Variants in LONRF3 observed in about 807,000 individuals in gnomAD.
The protein encoded by LONRF3 is LON peptidase N-terminal domain and ring finger 3.
A neutral mutation model predicts 51.7 loss-of-function variants in LONRF3; 19 were observed. That is an observed-to-expected ratio of 0.37 (90% CI 0.26 to 0.54). The LOEUF is 0.54. Among genes scored for constraint, LONRF3 ranks in the 20% least tolerant of loss-of-function variants. The probability of loss-of-function intolerance (pLI) is 0.86; values close to 1 mark genes in which losing one functional copy is unlikely to be tolerated. For synonymous variants in LONRF3, 265 were observed against 257.8 expected (o/e 1.03, Z -0.27); for missense variants, 521 against 623.9 (o/e 0.84, Z 1.76).
chrX:118,991,649 T>C (rs1288713717), intron 5 of LONRF3, among the ~76,000 whole-genome samples: 1 of 112,222 alleles, frequency 8.9e-6, no homozygotes, highest in Non-Finnish European at 1.9e-5. Context: ...ATTTCACAGC[T>C]GTGACTTACT....
At chrX:118,988,857 C>T (rs1453313776) in intron 3 of LONRF3, among the ~76,000 whole-genome samples, 1 of 105,289 alleles carries the variant, frequency 9.5e-6, no homozygotes, top group Non-Finnish European at 1.9e-5. Flanking sequence ...TAGTTTGTAC[C>T]TTGTTCATTT....
In LONRF3 at chrX:118,975,433, A is replaced by C. The variant is rs1037145243; in HGVS notation, c.653A>C (p.Gln218Pro). The change falls in exon 1 of 11, where the codon CAG becomes CCG. Residue 218 changes from glutamine to proline, a missense_variant. This residue lies in a region of LONRF3 where 376 missense variants were observed against 376.7 expected (regional missense o/e 1.00). Transcript: ENST00000371628. ...RARGARRAGQ[Q>P]PPPPLRVNVV... The stretch of plus-strand genomic sequence containing the variant: ...CGTGGAGCCCGGCGGGCTGGGCAGC[A>C]GCCGCCGCCGCCGCTGCGAGTCAAC... The C allele has an allele frequency of 1.7e-6, 2 of 1,185,722 alleles. No individual in the cohort carries two copies. Among genetic ancestry groups the C allele is most frequent in the South Asian group, 1.8e-5 (1 of 54,321 alleles).
At chrX:118,990,691 A>G (rs1923359959) in intron 5 of LONRF3, 131 bp downstream of exon 5, 11 of 494,643 alleles carry the variant, frequency 2.2e-5, no homozygotes, top group Non-Finnish European at 3.8e-5. Flanking sequence ...GGAAATCACA[A>G]CGTTGATTGT....
chrX:118,975,070 A>G lies in LONRF3; in HGVS notation c.290A>G (p.Gln97Arg). Residue 97 changes from glutamine (Q) to arginine (R), a missense_variant, in exon 1 of 11, where the codon CAG becomes CGG. Gln to Arg is a conservative substitution (Grantham distance 43). Transcript: ENST00000371628. ...LEVYRQLSER[Q>R]QLVAEQLEQL... ...GTGTATAGACAGCTCTCCGAGCGGC[A>G]GCAGCTGGTGGCTGAGCAGCTGGAG... 1 of 1,174,686 alleles carries G rather than the reference A, an allele frequency of 8.5e-7. No individual in the cohort carries two copies. The highest frequency in any genetic ancestry group is 1.1e-6 in the Non-Finnish European group (1 of 877,282).
chrX:118,992,952 C>G (rs938546754), intron 5 of LONRF3, among the ~76,000 whole-genome samples: 6 of 111,425 alleles, frequency 5.4e-5, no homozygotes, highest in African/African-American at 2.0e-4. Flanking sequence ...CAGGAAGCCA[C>G]ACCCATAGGA....
rs1471098769 is a variant in LONRF3, at chrX:119,009,266, C to T, written c.1652+19C>T. The T allele has an allele frequency of 8.4e-7, 1 of 1,191,421 alleles. No individual in the cohort carries two copies. The highest frequency in any genetic ancestry group is 2.2e-5 in the Admixed American group (1 of 44,515). On this transcript the variant is annotated intron_variant, in intron 7 of 10. Coordinates refer to ENST00000371628, the MANE Select transcript of LONRF3 (RefSeq NM_001031855.3). ...TTTCTAAGTATGTATATGCATATTT[C>T]TGTTTTGTTTCACTCATACCAGCTC...
intron 4 of LONRF3, among the ~76,000 whole-genome samples, chrX:118,990,056 C>T (rs1923309290): frequency 8.9e-6 from 1 of 111,791 alleles, no homozygotes. Flanking sequence ...TGCTCATTCC[C>T]AGTTGTGTTC....
chrX:119,004,259 T>A (rs1924548108), intron 5 of LONRF3, among the ~76,000 whole-genome samples: 1 of 112,228 alleles, frequency 8.9e-6, no homozygotes, highest in South Asian at 3.7e-4. Context: ...AACTACTTTT[T>A]AAACAGAATC....
Position 118,978,263 on chromosome X carries a change from T to C in LONRF3, c.818-82T>C. 3 of 587,016 alleles carry C rather than the reference T, an allele frequency of 5.1e-6. No individual in the cohort carries two copies. In the South Asian group the frequency reaches 8.2e-5, roughly 16 times the overall value. The allele number at this position is 587,016 out of a possible 1,213,427, so 48.4% of individuals were successfully genotyped here. A position where few individuals can be genotyped will look rare whatever the true frequency, so the allele number is the denominator to read the frequency against. ...AAGTCCTAGAAAACTTATCATTTGC[T>C]CAAGATCCATACTCATACAGGACTT... On this transcript the variant is annotated intron_variant, in intron 1 of 10. Coordinates refer to ENST00000371628, the MANE Select transcript of LONRF3 (RefSeq NM_001031855.3).
At chrX:118,994,653 G>T (rs1437629923) in intron 5 of LONRF3, among the ~76,000 whole-genome samples, 1 of 110,930 alleles carries the variant, frequency 9.0e-6, no homozygotes, top group South Asian at 3.8e-4. Flanking sequence ...CACCCACCTC[G>T]GCCTCCCAAA....
chrX:119,005,487 T>C, intron 5 of LONRF3, among the ~76,000 whole-genome samples: 1 of 112,021 alleles, frequency 8.9e-6, no homozygotes, highest in East Asian at 2.8e-4. Flanking sequence ...TATGCATCAA[T>C]ATAGATCCAT....
chrX:119,009,128 C>T lies in LONRF3; in HGVS notation c.1533C>T (p.Cys511=), dbSNP rs1454862458. Residue 511 remains cysteine, a splice_region_variant and synonymous_variant, in exon 7 of 11, where the codon TGC becomes TGT. Coordinates refer to ENST00000371628, the MANE Select transcript of LONRF3 (RefSeq NM_001031855.3). ...CPLCKDGLSQ[C]LASRKYSKNV... ...TCTAATTGCCTCCCCCCATGTAGTG[C>T]TTGGCATCAAGAAAATACAGCAAAA... 3 of 1,207,819 alleles carry T rather than the reference C, an allele frequency of 2.5e-6. No individual in the cohort carries two copies. In the East Asian group the frequency reaches 8.9e-5, roughly 36 times the overall value.
At chrX:118,996,186 T>C (rs1334405653) in intron 5 of LONRF3, among the ~76,000 whole-genome samples, 1 of 112,009 alleles carries the variant, frequency 8.9e-6, no homozygotes, top group African/African-American at 3.2e-5. Context: ...TTCAGTATTA[T>C]GTTGGTTGTG....
chrX:119,009,258 G>A lies in LONRF3; in HGVS notation c.1652+11G>A. 8.4e-7 allele frequency: 1 copy of A among 1,195,226 alleles called. No individual in the cohort carries two copies. Among genetic ancestry groups the A allele is most frequent in the Non-Finnish European group, 1.1e-6 (1 of 886,272 alleles). The stretch of plus-strand genomic sequence containing the variant: ...GGAAGAACTTTCTAAGTATGTATAT[G>A]CATATTTCTGTTTTGTTTCACTCAT... On this transcript the variant is annotated intron_variant, in intron 7 of 10. Coordinates refer to ENST00000371628, the MANE Select transcript of LONRF3 (RefSeq NM_001031855.3).
At chrX:119,015,269 T>C (rs772567073) in intron 10 of LONRF3, among the ~76,000 whole-genome samples, 4 of 111,941 alleles carry the variant, frequency 3.6e-5, no homozygotes, top group Non-Finnish European at 7.5e-5. Flanking sequence ...ATATGCATAT[T>C]CTGACCAAAA....
chrX:118,979,254 T>C (rs1399072287), intron 2 of LONRF3, among the ~76,000 whole-genome samples: 2 of 109,827 alleles, frequency 1.8e-5, no homozygotes, highest in East Asian at 2.9e-4. Flanking sequence ...CCGCCCGCCT[T>C]GGCCTCCCAA....
At chrX:118,983,424 A>G (rs923900177) in intron 3 of LONRF3, among the ~76,000 whole-genome samples, 3 of 112,031 alleles carry the variant, frequency 2.7e-5, no homozygotes, top group African/African-American at 9.7e-5. Context: ...ATCACCATAC[A>G]CAGAACTCCA....
rs763618820 is a variant in LONRF3 at position 118,975,383 on chromosome X, C to T, written c.603C>T (p.Ala201=). The T allele has an allele frequency of 8.3e-7, 1 of 1,206,595 alleles. No homozygotes were observed. Among genetic ancestry groups the T allele is most frequent in the Non-Finnish European group, 1.1e-6 (1 of 893,291 alleles). Residue 201 remains alanine (A), a synonymous_variant, in exon 1 of 11, where the codon GCC becomes GCT. Transcript: ENST00000371628. ...RCALCGVKLS[A]LMVATGRARG... The stretch of plus-strand genomic sequence containing the variant: ...CGCTGTGCGGGGTCAAGCTCTCCGC[C>T]TTGATGGTGGCCACTGGGCGGGCGC...
chrX:119,017,396 G>A, intron 10 of LONRF3, 139 bp from the exon 11 acceptor site: 1 of 589,526 alleles, frequency 1.7e-6, no homozygotes, highest in Non-Finnish European at 2.6e-6. Flanking sequence ...AAATAAGGGG[G>A]AAAATAGATA....
Sources: allele counts gnomAD v4.1 joint callset (sites outside exome capture counted in the v4.1 genomes callset), GRCh38; gene constraint gnomAD v4.1.1; regional missense constraint gnomAD v4.1.1; transcripts MANE v1.5; gene names NCBI Gene and HGNC (gene_info 2026-07-23, HGNC 2026-07-21).